Variants in EDIL3 observed in about 807,000 individuals in gnomAD.
The protein encoded by EDIL3 is EGF like and discoidin domains 3.
A neutral mutation model predicts 67.4 loss-of-function variants in EDIL3; 37 were observed. The observed-to-expected ratio is 0.55, with a 90% CI of 0.42 to 0.72. The LOEUF (loss-of-function observed/expected upper bound fraction) is 0.72. EDIL3 is among the 30% of genes least tolerant of loss of function. The pLI is 0.00. For synonymous variants in EDIL3, 195 were observed against 196.3 expected (o/e 0.99, Z 0.05); for missense variants, 527 against 586.3 (o/e 0.90, Z 1.04).
chr5:84,283,331 T>C lies in EDIL3; in HGVS notation c.68-29119A>G, dbSNP rs541330068. Reference sequence around the variant, plus strand: ...TTCATGTTTAGTTAGGTTCAGAAACTGCTGTGATTATGGTTGACTGCTGTC... The same window carrying C: ...TTCATGTTTAGTTAGGTTCAGAAACCGCTGTGATTATGGTTGACTGCTGTC... On this transcript the variant is annotated intron_variant, in intron 1 of 10. Transcript: ENST00000296591. Among the ~76,000 whole-genome samples, 22 of 152,352 alleles carry C rather than the reference T, an allele frequency of 1.4e-4. 1 individual carries two copies. In the South Asian group the frequency reaches 4.6e-3, roughly 32 times the overall value.
intron 9 of EDIL3, among the ~76,000 whole-genome samples, chr5:84,029,504 C>T (rs1168615096): frequency 6.6e-6 from 1 of 151,982 alleles, no homozygotes; most frequent in Non-Finnish European, 1.5e-5. Flanking sequence ...ATATTGAAGT[C>T]CTAAGTGTAG....
At chr5:84,251,250 C>T (rs1019700346) in intron 2 of EDIL3, among the ~76,000 whole-genome samples, 2 of 152,008 alleles carry the variant, frequency 1.3e-5, no homozygotes, top group Admixed American at 1.3e-4. Flanking sequence ...GTAGCTGGGA[C>T]TACAGGAACC....
chr5:84,359,039 A>G (rs1409431614), intron 1 of EDIL3, among the ~76,000 whole-genome samples: 1 of 152,178 alleles, frequency 6.6e-6, no homozygotes, highest in African/African-American at 2.4e-5. Context: ...TCATGTAGCT[A>G]TGGGGATTTG....
chr5:84,108,691 T>C (rs1243081806), intron 5 of EDIL3, among the ~76,000 whole-genome samples: 1 of 152,196 alleles, frequency 6.6e-6, no homozygotes, highest in East Asian at 1.9e-4. Context: ...ACTGTGACTT[T>C]AGTAATGGCA....
At chr5:83,967,771 G>A (rs938988195) in intron 9 of EDIL3, among the ~76,000 whole-genome samples, 2 of 152,060 alleles carry the variant, frequency 1.3e-5, no homozygotes, top group Admixed American at 6.6e-5. Flanking sequence ...GTTGATTTTC[G>A]TGAAGACATT....
At chr5:84,027,435 T>C (rs1745835744) in intron 9 of EDIL3, among the ~76,000 whole-genome samples, 1 of 152,196 alleles carries the variant, frequency 6.6e-6, no homozygotes. Context: ...CTTGGTCCTA[T>C]CTGTGTTTCT....
chr5:84,287,780 G>GT (rs974814560), intron 1 of EDIL3, among the ~76,000 whole-genome samples: 63 of 152,108 alleles, frequency 4.1e-4, no homozygotes, highest in Non-Finnish European at 6.9e-4. Context: ...TCTTTACTTG[G>GT]TTTCCAATAC....
chr5:84,064,114 C>T (rs1353978334), intron 8 of EDIL3, among the ~76,000 whole-genome samples: 1 of 151,998 alleles, frequency 6.6e-6, no homozygotes, highest in African/African-American at 2.4e-5. Context: ...TGGATAACCA[C>T]TATTTTTACA....
At chr5:84,183,716 G>A (rs189749656) in intron 3 of EDIL3, among the ~76,000 whole-genome samples, 50 of 152,268 alleles carry the variant, frequency 3.3e-4, no homozygotes, top group Middle Eastern at 3.4e-3. Context: ...GAGAAAATAA[G>A]TCTTCCATGC....
At chr5:84,200,014 G>T (rs1743798963) in intron 3 of EDIL3, among the ~76,000 whole-genome samples, 1 of 152,022 alleles carries the variant, frequency 6.6e-6, no homozygotes, top group South Asian at 2.1e-4. Context: ...TAATGTATTG[G>T]TACAAGTCCC....
At chr5:84,059,695 TGTG>T (rs1746508589) in intron 9 of EDIL3, among the ~76,000 whole-genome samples, 1 of 152,214 alleles carries the variant, frequency 6.6e-6, no homozygotes, top group Non-Finnish European at 1.5e-5. Context: ...CTAACAAACC[TGTG>T]CATATTTAAA....
At chr5:84,168,779 C>T (rs1038719469) in intron 4 of EDIL3, among the ~76,000 whole-genome samples, 3 of 152,178 alleles carry the variant, frequency 2.0e-5, no homozygotes, top group Non-Finnish European at 4.4e-5. Flanking sequence ...CAAGGTTCCA[C>T]GCTTACCCCC....
At chr5:83,954,944 T>G (rs1744487777) in intron 10 of EDIL3, among the ~76,000 whole-genome samples, 5 of 151,782 alleles carry the variant, frequency 3.3e-5, no homozygotes, top group Admixed American at 3.3e-4. Flanking sequence ...TTTAAACAAT[T>G]TATTAAAGTT....
At chr5:84,142,822 C>G (rs7729375) in intron 4 of EDIL3, among the ~76,000 whole-genome samples, 1,468 of 140,724 alleles carry the variant, frequency 0.01, 29 homozygotes, top group African/African-American at 0.036. Context: ...AGACGGTGCC[C>G]CCCCCCCCAA....
At chr5:84,212,855 G>A (rs868114434) in intron 3 of EDIL3, among the ~76,000 whole-genome samples, 4 of 152,048 alleles carry the variant, frequency 2.6e-5, no homozygotes, top group East Asian at 1.9e-4. Context: ...AATGTCTTAC[G>A]GGACCAGTTT....
chr5:84,251,822 T>C (rs932043851), intron 2 of EDIL3, among the ~76,000 whole-genome samples: 2 of 152,158 alleles, frequency 1.3e-5, no homozygotes, highest in African/African-American at 2.4e-5. Flanking sequence ...GAAAATAGAA[T>C]TGGTGTAACT....
intron 9 of EDIL3, among the ~76,000 whole-genome samples, chr5:84,057,453 G>C (rs1400149187): frequency 6.6e-6 from 1 of 151,972 alleles, no homozygotes; most frequent in African/African-American, 2.4e-5. Context: ...AATAACATTA[G>C]CGATACGCAG....
At chr5:84,271,823 A>T (rs1036308499) in intron 1 of EDIL3, among the ~76,000 whole-genome samples, 1 of 152,046 alleles carries the variant, frequency 6.6e-6, no homozygotes, top group Non-Finnish European at 1.5e-5. Context: ...CAATATAGAA[A>T]CTCCTCAGGC....
intron 5 of EDIL3, among the ~76,000 whole-genome samples, chr5:84,131,247 C>T (rs1293750243): frequency 2.0e-5 from 3 of 152,046 alleles, no homozygotes; most frequent in Non-Finnish European, 2.9e-5. Flanking sequence ...CAATCTACAT[C>T]CATCAAAAGA....
Sources: allele counts gnomAD v4.1 joint callset (sites outside exome capture counted in the v4.1 genomes callset), GRCh38; gene constraint gnomAD v4.1.1; transcripts MANE v1.5; gene names NCBI Gene and HGNC (gene_info 2026-07-23, HGNC 2026-07-21).